Variants in LHFPL3 observed in about 807,000 individuals in gnomAD.
LHFPL3 encodes the protein LHFPL tetraspan subfamily member 3 protein.
A neutral mutation model predicts 19.3 loss-of-function variants in LHFPL3; 5 were observed. The ratio of observed to expected loss-of-function variants is 0.26; its 90% confidence interval spans 0.14 to 0.54. LHFPL3 has a LOEUF of 0.54. Ranked by LOEUF, LHFPL3 falls within the 20% of genes least tolerant of loss-of-function variation. LHFPL3 has a pLI of 0.94. For missense variants in LHFPL3, 249 were observed against 307.4 expected (o/e 0.81, Z 1.42); for synonymous variants, 133 against 126.2 (o/e 1.05, Z -0.36).
intron 1 of LHFPL3, among the ~76,000 whole-genome samples, chr7:104,652,269 G>A (rs2115944277): frequency 6.6e-6 from 1 of 152,306 alleles, no homozygotes; most frequent in African/African-American, 2.4e-5. Context: ...TATGGAGAAA[G>A]GGCCAAGGAA....
chr7:104,403,783 G>T (rs908218270), intron 1 of LHFPL3, among the ~76,000 whole-genome samples: 5 of 149,912 alleles, frequency 3.3e-5, no homozygotes, highest in Non-Finnish European at 5.9e-5. Flanking sequence ...GGCCTCTAAT[G>T]GAGGTGTCAT....
At chr7:104,734,563 G>T (rs1716965203) in intron 1 of LHFPL3, among the ~76,000 whole-genome samples, 1 of 152,184 alleles carries the variant, frequency 6.6e-6, no homozygotes, top group Non-Finnish European at 1.5e-5. Flanking sequence ...TTGGTTTTCA[G>T]CTCCATCAGG....
chr7:104,897,551 G>A (rs1248137345), intron 2 of LHFPL3, among the ~76,000 whole-genome samples: 1 of 152,164 alleles, frequency 6.6e-6, no homozygotes, highest in Non-Finnish European at 1.5e-5. Context: ...GCTGAGAAAC[G>A]AAAGCCTCAC....
At chr7:104,629,921 T>A (rs1156515137) in intron 1 of LHFPL3, among the ~76,000 whole-genome samples, 1 of 152,188 alleles carries the variant, frequency 6.6e-6, no homozygotes, top group Non-Finnish European at 1.5e-5. Context: ...AGGGTATGGA[T>A]AATTTCTTTG....
At chr7:104,714,726 A>T (rs549623280) in intron 1 of LHFPL3, among the ~76,000 whole-genome samples, 1 of 152,314 alleles carries the variant, frequency 6.6e-6, no homozygotes, top group Admixed American at 6.5e-5. Flanking sequence ...CAATATGGTG[A>T]AAAAGATAAT....
intron 1 of LHFPL3, among the ~76,000 whole-genome samples, chr7:104,388,515 T>TA (rs1280673361): frequency 3.3e-5 from 5 of 152,032 alleles, no homozygotes; most frequent in Non-Finnish European, 7.4e-5. Context: ...CTCTAAATAG[T>TA]AAAAAACGAA....
chr7:104,376,527 A>G (rs576623026), intron 1 of LHFPL3, among the ~76,000 whole-genome samples: 2 of 152,314 alleles, frequency 1.3e-5, no homozygotes, highest in African/African-American at 4.8e-5. Context: ...TCTCCTGATA[A>G]TGTCCCTGCT....
At chr7:104,817,650 C>T (rs1455685187) in intron 2 of LHFPL3, among the ~76,000 whole-genome samples, 1 of 152,184 alleles carries the variant, frequency 6.6e-6, no homozygotes, top group East Asian at 1.9e-4. Context: ...TCCCTGGGAA[C>T]TCAGGGGCCT....
rs1320986055 is a variant in LHFPL3, at chr7:104,505,007, T to TAC, written c.445+175785_445+175786dup. ...TATATGTGTACACATATATACTATA[T>TAC]ACATGCATATACTGTGTATACACAT... On this transcript the variant is annotated intron_variant, in intron 1 of 2. Coordinates refer to ENST00000424859, the MANE Select transcript of LHFPL3 (RefSeq NM_199000.3). Among the ~76,000 whole-genome samples, 4 of 145,366 alleles carry TAC rather than the reference T, an allele frequency of 2.8e-5. No individual in the cohort carries two copies. In the East Asian group the frequency reaches 8.4e-4, roughly 30 times the overall value.
intron 1 of LHFPL3, among the ~76,000 whole-genome samples, chr7:104,560,061 G>A (rs890967893): frequency 9.5e-5 from 14 of 147,894 alleles, no homozygotes; most frequent in African/African-American, 3.4e-4. Flanking sequence ...GCTTTTTGAT[G>A]TGCTGCTGGA....
At chr7:104,594,454 C>T (rs1159779216) in intron 1 of LHFPL3, among the ~76,000 whole-genome samples, 1 of 152,204 alleles carries the variant, frequency 6.6e-6, no homozygotes, top group African/African-American at 2.4e-5. Flanking sequence ...ACCTTTCTCT[C>T]TGGCTGCCCT....
At chr7:104,749,807 C>T (rs1434395386) in intron 2 of LHFPL3, among the ~76,000 whole-genome samples, 1 of 152,180 alleles carries the variant, frequency 6.6e-6, no homozygotes, top group African/African-American at 2.4e-5. Context: ...CTGATTTACC[C>T]ACACCAGTTT....
chr7:104,496,126 C>G (rs372177936), intron 1 of LHFPL3, among the ~76,000 whole-genome samples: 2 of 152,140 alleles, frequency 1.3e-5, no homozygotes, highest in Admixed American at 6.5e-5. Context: ...TCCTTCCCCC[C>G]ACCCCACAAT....
At chr7:104,499,498 G>A (rs1473615626) in intron 1 of LHFPL3, among the ~76,000 whole-genome samples, 1 of 152,202 alleles carries the variant, frequency 6.6e-6, no homozygotes, top group Non-Finnish European at 1.5e-5. Flanking sequence ...CCCTTGTGCA[G>A]GCCATGTTGG....
At chr7:104,719,919 T>C (rs1047694448) in intron 1 of LHFPL3, among the ~76,000 whole-genome samples, 1 of 152,074 alleles carries the variant, frequency 6.6e-6, no homozygotes, top group African/African-American at 2.4e-5. Context: ...AAAAAAATAA[T>C]AATAATGTCA....
At chr7:104,460,094 G>C (rs1792628157) in intron 1 of LHFPL3, among the ~76,000 whole-genome samples, 1 of 151,984 alleles carries the variant, frequency 6.6e-6, no homozygotes, top group Non-Finnish European at 1.5e-5. Context: ...CCACTTATAA[G>C]TGTGGTATTT....
At chr7:104,442,919 T>A (rs553744121) in intron 1 of LHFPL3, among the ~76,000 whole-genome samples, 1 of 152,314 alleles carries the variant, frequency 6.6e-6, no homozygotes, top group South Asian at 2.1e-4. Context: ...GCTTTTGATT[T>A]TTAAGCCCGA....
chr7:104,444,427 C>T (rs773017282), intron 1 of LHFPL3, among the ~76,000 whole-genome samples: 4 of 152,154 alleles, frequency 2.6e-5, no homozygotes, highest in Non-Finnish European at 5.9e-5. Context: ...TTTTAGAAGA[C>T]ACCCCCCTGT....
chr7:104,709,884 G>A (rs995912747), intron 1 of LHFPL3, among the ~76,000 whole-genome samples: 13 of 150,056 alleles, frequency 8.7e-5, no homozygotes, highest in South Asian at 2.1e-4. Context: ...GACGATGGGT[G>A]GCCAGGCAGA....
Sources: gnomAD v4.1 joint callset for allele counts (sites outside exome capture counted in the v4.1 genomes callset) on GRCh38, gnomAD v4.1.1 for gene constraint, MANE v1.5 for transcripts, NCBI Gene and HGNC (gene_info 2026-07-23, HGNC 2026-07-21) for gene names.